ARHGAP44: variants seen among roughly 807,000 people sequenced by gnomAD.
ARHGAP44 encodes the protein Rho GTPase activating protein 44, also known as rho GTPase-activating protein 44.
In ARHGAP44, 43 loss-of-function variants were observed where a neutral mutation model predicts 106.8. That is an observed-to-expected ratio of 0.40 (90% CI 0.32 to 0.52). ARHGAP44 has a LOEUF of 0.52. Ranked by LOEUF, ARHGAP44 falls within the 20% of genes least tolerant of loss-of-function variation. The probability of loss-of-function intolerance (pLI) is 0.48; values close to 1 mark genes in which losing one functional copy is unlikely to be tolerated. For synonymous variants in ARHGAP44, 439 were observed against 410.3 expected, an observed-to-expected ratio of 1.07 and a Z score of -0.85; for missense variants, 866 against 1,050.5, an observed-to-expected ratio of 0.82 and a Z score of 2.43.
At chr17:12,867,539 C>A (rs1597967857) in intron 1 of ARHGAP44, among the ~76,000 whole-genome samples, 1 of 152,170 alleles carries the variant, frequency 6.6e-6, no homozygotes, top group Non-Finnish European at 1.5e-5. Context: ...TTCAGCATCA[C>A]AGACTTGCAC....
At chr17:12,800,800 A>T (rs1355400010) in intron 1 of ARHGAP44, among the ~76,000 whole-genome samples, 2 of 152,200 alleles carry the variant, frequency 1.3e-5, no homozygotes, top group Non-Finnish European at 2.9e-5. Flanking sequence ...ACCAGGGCCT[A>T]AGTAGGTCAG....
At position 12,918,294 on chromosome 17, in the gene ARHGAP44, T is replaced by G. The variant is rs561961821; in HGVS notation, c.388-1461T>G. ...ACTGGAAGTTGTTACACGCAGAACA[T>G]TACTCATCCCTGCTCGGGAGAGTGA... On this transcript the variant is annotated intron_variant, in intron 5 of 20. Coordinates refer to ENST00000379672, the MANE Select transcript of ARHGAP44 (RefSeq NM_014859.6). 9.8e-5 allele frequency among the ~76,000 whole-genome samples: 15 copies of G among 152,318 alleles called. No homozygotes were observed. In the East Asian group the frequency reaches 2.9e-3, roughly 29 times the overall value.
At chr17:12,916,447 G>C (rs564168527) in intron 5 of ARHGAP44, among the ~76,000 whole-genome samples, 2 of 152,042 alleles carry the variant, frequency 1.3e-5, no homozygotes, top group African/African-American at 2.4e-5. Context: ...GCAGTGGTAC[G>C]ATCATGGTTC....
chr17:12,943,583 C>G lies in ARHGAP44; in HGVS notation c.652-5C>G, dbSNP rs2038762280. ...AAGGGTGATGCTTGCCTTGTGTCTT[C>G]TCAGCTAATAGAAGTGCAAGCTGAA... is the stretch of plus-strand genomic sequence containing the variant. On this transcript the variant is annotated splice_region_variant and splice_polypyrimidine_tract_variant and intron_variant, in intron 8 of 20. Coordinates refer to ENST00000379672, the MANE Select transcript of ARHGAP44 (RefSeq NM_014859.6). 3 of 1,613,512 alleles carry G rather than the reference C, an allele frequency of 1.9e-6. No individual in the cohort carries two copies. The highest frequency in any genetic ancestry group is 1.7e-5 in the Admixed American group (1 of 59,994).
At chr17:12,952,434 A>G in intron 12 of ARHGAP44, 67 bp from the exon 13 acceptor site, 1 of 1,218,958 alleles carries the variant, frequency 8.2e-7, no homozygotes, top group Non-Finnish European at 1.2e-6. Context: ...ATGATTGGTT[A>G]ATATGATTTC....
At chr17:12,798,914 G>C (rs1157849497) in intron 1 of ARHGAP44, among the ~76,000 whole-genome samples, 1 of 152,004 alleles carries the variant, frequency 6.6e-6, no homozygotes, top group African/African-American at 2.4e-5. Flanking sequence ...ATTTTTTCTT[G>C]AGTCAGTTTG....
At chr17:12,930,239 C>G (rs2038359108) in intron 7 of ARHGAP44, among the ~76,000 whole-genome samples, 1 of 146,748 alleles carries the variant, frequency 6.8e-6, no homozygotes, top group East Asian at 2.0e-4. Flanking sequence ...CTCTCTCTCT[C>G]TTTTTTTTTT....
At chr17:12,880,236 A>G (rs528558646) in intron 1 of ARHGAP44, among the ~76,000 whole-genome samples, 2 of 152,278 alleles carry the variant, frequency 1.3e-5, no homozygotes, top group South Asian at 4.1e-4. Context: ...TATATATATT[A>G]TGAAACAATG....
intron 16 of ARHGAP44, among the ~76,000 whole-genome samples, chr17:12,961,269 T>C (rs1227135298): frequency 1.3e-5 from 2 of 152,228 alleles, no homozygotes; most frequent in African/African-American, 2.4e-5. Flanking sequence ...CTTGAGCAGA[T>C]ACCTTATCTC....
chr17:12,838,462 TCTGA>T (rs1327787962), intron 1 of ARHGAP44, among the ~76,000 whole-genome samples: 1 of 152,200 alleles, frequency 6.6e-6, no homozygotes, highest in African/African-American at 2.4e-5. Flanking sequence ...CGTATTAGCC[TCTGA>T]CTGACTGATT....
At chr17:12,856,198 C>T (rs1238000528) in intron 1 of ARHGAP44, among the ~76,000 whole-genome samples, 4 of 152,156 alleles carry the variant, frequency 2.6e-5, no homozygotes. Context: ...TCCATTGAAG[C>T]CACTGGCCCT....
At chr17:12,858,813 T>C (rs1200397893) in intron 1 of ARHGAP44, among the ~76,000 whole-genome samples, 2 of 152,152 alleles carry the variant, frequency 1.3e-5, no homozygotes, top group South Asian at 2.1e-4. Context: ...AGAGGTTTAG[T>C]GGACTCACAG....
chr17:12,840,392 T>C (rs2035355644), intron 1 of ARHGAP44, among the ~76,000 whole-genome samples: 2 of 152,234 alleles, frequency 1.3e-5, no homozygotes, highest in Non-Finnish European at 2.9e-5. Flanking sequence ...GACATATTAG[T>C]ACCCAGGATG....
At chr17:12,862,414 C>T (rs924599717) in intron 1 of ARHGAP44, among the ~76,000 whole-genome samples, 3 of 152,262 alleles carry the variant, frequency 2.0e-5, no homozygotes, top group Admixed American at 6.5e-5. Flanking sequence ...GTTGGTAACG[C>T]AGGCACAACA....
At position 12,824,529 on chromosome 17, in the gene ARHGAP44, C is replaced by T. The variant is rs72813133; in HGVS notation, c.53+34638C>T. 6.2e-3 allele frequency among the ~76,000 whole-genome samples: 945 copies of T among 152,186 alleles called. 3 individuals are homozygous for T. The highest frequency in any genetic ancestry group is 7.9e-3 in the Non-Finnish European group (537 of 68,024). ...CCAGACTTCCTGTTGTCACCTGCCC[C>T]ATCTGATTGAGTTGGAAACCTCGAC... On this transcript the variant is annotated intron_variant, in intron 1 of 20. Coordinates refer to ENST00000379672, the MANE Select transcript of ARHGAP44 (RefSeq NM_014859.6).
intron 16 of ARHGAP44, 194 bp downstream of exon 16, chr17:12,959,091 T>C (rs1296609813): frequency 3.1e-6 from 2 of 647,518 alleles, no homozygotes; most frequent in African/African-American, 3.6e-5. Flanking sequence ...AGACCAGAGG[T>C]CAGTGTAGCC....
chr17:12,883,243 A>G (rs2036789050), intron 1 of ARHGAP44, among the ~76,000 whole-genome samples: 1 of 151,020 alleles, frequency 6.6e-6, no homozygotes, highest in African/African-American at 2.4e-5. Context: ...TTCTGTTTAT[A>G]TTCCACTTTT....
chr17:12,863,982 G>T (rs531686861), intron 1 of ARHGAP44, among the ~76,000 whole-genome samples: 115 of 152,316 alleles, frequency 7.6e-4, no homozygotes, highest in Non-Finnish European at 1.2e-3. Flanking sequence ...ACCCTCATGT[G>T]GCCACGCCAT....
chr17:12,908,022 G>A (rs898855339), intron 3 of ARHGAP44, among the ~76,000 whole-genome samples: 3 of 151,964 alleles, frequency 2.0e-5, no homozygotes, highest in African/African-American at 7.3e-5. Context: ...GTAAAGTGAG[G>A]TCTTGATTGG....
Sources: allele counts gnomAD v4.1 joint callset (sites outside exome capture counted in the v4.1 genomes callset), GRCh38; gene constraint gnomAD v4.1.1; transcripts MANE v1.5; gene names NCBI Gene and HGNC (gene_info 2026-07-23, HGNC 2026-07-21).